Variants in ACCSL observed in about 807,000 individuals in gnomAD.
The protein encoded by ACCSL is 1-aminocyclopropane-1-carboxylate synthase homolog (inactive) like.
A neutral mutation model predicts 61.7 loss-of-function variants in ACCSL; 55 were observed. The ratio of observed to expected loss-of-function variants is 0.89; its 90% CI spans 0.72 to 1.12. The LOEUF (loss-of-function observed/expected upper bound fraction) is 1.12. Among genes scored for constraint, ACCSL ranks in the 50% most tolerant of loss-of-function variants. The pLI is 0.00. For synonymous variants in ACCSL, 258 were observed against 264.3 expected (o/e 0.98, Z 0.23); for missense variants, 632 against 698.0 (o/e 0.91, Z 1.07).
At chr11:44,005,141 G>A in the ACCSL span, among the ~76,000 whole-genome samples, 607 of 147,068 alleles carry the variant, frequency 4.1e-3, no homozygotes, top group African/African-American at 0.015. Flanking sequence ...CACGACAGCT[G>A]TAGAGGGGTG....
chr11:44,005,825 A>T, the ACCSL span, among the ~76,000 whole-genome samples: 6 of 152,292 alleles, frequency 3.9e-5, no homozygotes, highest in East Asian at 1.2e-3. Flanking sequence ...CACTTTACAG[A>T]TGAAGAAACC....
the ACCSL span, among the ~76,000 whole-genome samples, chr11:44,009,430 A>G: frequency 6.6e-6 from 1 of 152,212 alleles, no homozygotes; most frequent in Non-Finnish European, 1.5e-5. Flanking sequence ...CAGAGAGCAC[A>G]GAGTCTGAAA....
the ACCSL span, among the ~76,000 whole-genome samples, chr11:43,966,580 A>C: frequency 6.6e-5 from 10 of 152,238 alleles, no homozygotes; most frequent in Non-Finnish European, 1.2e-4. Flanking sequence ...AACTCTTACA[A>C]CTCAACAACA....
the ACCSL span, among the ~76,000 whole-genome samples, chr11:43,966,542 A>G: frequency 1.3e-5 from 2 of 152,190 alleles, no homozygotes; most frequent in Admixed American, 1.3e-4. Flanking sequence ...TATATCTGGT[A>G]AGAGTCTAGT....
chr11:44,038,784 T>C, the ACCSL span, among the ~76,000 whole-genome samples: 1 of 152,148 alleles, frequency 6.6e-6, no homozygotes, highest in Non-Finnish European at 1.5e-5. Context: ...TTTTAAAAAA[T>C]TTTGAATGCC....
At chr11:43,943,691 T>C in the ACCSL span, 3 of 1,304,448 alleles carry the variant, frequency 2.3e-6, no homozygotes, top group Non-Finnish European at 3.0e-6. This position sits in a 1 kb window ranked among gnomAD's most constrained non-coding sequence, Gnocchi z 4.8. Flanking sequence ...ACACTCTCGC[T>C]GAACACTTTT....
At chr11:43,982,465 T>C in the ACCSL span, among the ~76,000 whole-genome samples, 2 of 151,992 alleles carry the variant, frequency 1.3e-5, no homozygotes, top group Non-Finnish European at 2.9e-5. Flanking sequence ...TGACCTGAAG[T>C]GATCAGCCCG....
chr11:44,010,745 G>A, the ACCSL span, among the ~76,000 whole-genome samples: 1 of 152,178 alleles, frequency 6.6e-6, no homozygotes, highest in Non-Finnish European at 1.5e-5. Flanking sequence ...CCTTTCCTGG[G>A]CCTCCTGAGA....
chr11:44,059,479 G>A (rs1384552880), intron 13 of ACCSL, among the ~76,000 whole-genome samples: 4 of 152,188 alleles, frequency 2.6e-5, no homozygotes, highest in Admixed American at 6.5e-5. Context: ...GCAGTGAATT[G>A]TTCATTCTCA....
the ACCSL span, among the ~76,000 whole-genome samples, chr11:43,959,724 G>A: frequency 6.6e-6 from 1 of 152,136 alleles, no homozygotes; most frequent in Non-Finnish European, 1.5e-5. Context: ...TAGAATCCTG[G>A]CCCTCAGGGA....
intron 1 of ACCSL, among the ~76,000 whole-genome samples, chr11:44,049,495 A>C (rs1308624621): frequency 1.3e-5 from 2 of 151,622 alleles, no homozygotes; most frequent in Non-Finnish European, 2.9e-5. Context: ...CTTCCAGGAA[A>C]GGGGGTCCTT....
intron 1 of ACCSL, 100 bp downstream of exon 1, chr11:44,048,640 A>G (rs1197113356): frequency 5.9e-5 from 71 of 1,201,050 alleles, no homozygotes; most frequent in Non-Finnish European, 7.8e-5. Flanking sequence ...CTCATTCTTT[A>G]TAGCCTTATG....
chr11:44,007,618 A>G, the ACCSL span, among the ~76,000 whole-genome samples: 1 of 152,238 alleles, frequency 6.6e-6, no homozygotes, highest in Admixed American at 6.5e-5. Flanking sequence ...TATAGCAGGA[A>G]AGGCAGCACT....
chr11:44,001,670 T>G, the ACCSL span, among the ~76,000 whole-genome samples: 1 of 151,446 alleles, frequency 6.6e-6, no homozygotes. Context: ...TGAGCTGTTA[T>G]AAATCTAAAT....
At chr11:44,028,093 G>A in the ACCSL span, among the ~76,000 whole-genome samples, 8 of 152,146 alleles carry the variant, frequency 5.3e-5, no homozygotes, top group Non-Finnish European at 1.0e-4. Flanking sequence ...CTGAGCCTAG[G>A]ATTTTGAGGC....
chr11:43,968,437 C>T, the ACCSL span, among the ~76,000 whole-genome samples: 1 of 151,878 alleles, frequency 6.6e-6, no homozygotes, highest in African/African-American at 2.4e-5. Context: ...TGCTTTTGCC[C>T]GTCTTTATGT....
the ACCSL span, among the ~76,000 whole-genome samples, chr11:43,949,754 G>A: frequency 1.3e-5 from 2 of 152,182 alleles, no homozygotes; most frequent in Admixed American, 1.3e-4. Flanking sequence ...GGTGGAGGTT[G>A]CAGTGAGCCA....
At chr11:43,932,258 A>T in the ACCSL span, among the ~76,000 whole-genome samples, 1 of 152,030 alleles carries the variant, frequency 6.6e-6, no homozygotes, top group Non-Finnish European at 1.5e-5. Context: ...TCATGAGAAG[A>T]CTTTTTTTTC....
At chr11:43,936,884 C>T in the ACCSL span, among the ~76,000 whole-genome samples, 39,032 of 151,850 alleles carry the variant, frequency 0.26, 5,358 homozygotes, top group Middle Eastern at 0.31. Context: ...TTCCCCACCC[C>T]CCCCTCCTGC....
Sources: gnomAD v4.1 joint callset for allele counts (sites outside exome capture counted in the v4.1 genomes callset) on GRCh38, gnomAD v4.1.1 for gene constraint, Gnocchi (gnomAD v3.1) non-coding constraint, MANE v1.5 for transcripts, NCBI Gene and HGNC (gene_info 2026-07-23, HGNC 2026-07-21) for gene names.